ASIC2: variants seen among roughly 807,000 people sequenced by gnomAD.
ASIC2 encodes acid-sensing ion channel 2.
In ASIC2, 25 loss-of-function variants were observed where a neutral mutation model predicts 57.3. That is an observed-to-expected ratio of 0.44 (90% CI 0.32 to 0.61). ASIC2 has a LOEUF of 0.61. ASIC2 is among the 20% of genes least tolerant of loss of function. The probability of loss-of-function intolerance (pLI) is 0.06; values close to 1 mark genes in which losing one functional copy is unlikely to be tolerated. For synonymous variants in ASIC2, 319 were observed against 307.5 expected, an observed-to-expected ratio of 1.04 and a Z score of -0.39; for missense variants, 641 against 738.1, an observed-to-expected ratio of 0.87 and a Z score of 1.52.
intron 1 of ASIC2, among the ~76,000 whole-genome samples, chr17:33,387,588 G>C (rs971885236): frequency 6.6e-6 from 1 of 152,212 alleles, no homozygotes; most frequent in Non-Finnish European, 1.5e-5. Flanking sequence ...ACTTTCCGCT[G>C]CCCCGAAACA....
chr17:33,126,994 A>G (rs1230955956), intron 1 of ASIC2, among the ~76,000 whole-genome samples: 1 of 145,404 alleles, frequency 6.9e-6, no homozygotes, highest in Non-Finnish European at 1.5e-5. Context: ...CAGCCTCCCG[A>G]GTAGCTGGGA....
chr17:33,813,716 G>C (rs552694979), intron 1 of ASIC2, among the ~76,000 whole-genome samples: 1 of 152,346 alleles, frequency 6.6e-6, no homozygotes, highest in South Asian at 2.1e-4. Context: ...GATTACAGGC[G>C]TGAGCCACTG....
At chr17:33,678,967 A>G (rs1280373157) in intron 1 of ASIC2, among the ~76,000 whole-genome samples, 1 of 152,230 alleles carries the variant, frequency 6.6e-6, no homozygotes, top group African/African-American at 2.4e-5. Context: ...ACAGTCAGAC[A>G]GAGGCAGAGC....
intron 1 of ASIC2, among the ~76,000 whole-genome samples, chr17:33,830,913 C>T (rs1256501658): frequency 6.6e-6 from 1 of 151,784 alleles, no homozygotes; most frequent in African/African-American, 2.4e-5. Context: ...GAGTTTGAGA[C>T]CAGCCTGGCC....
chr17:33,113,515 C>T (rs1349612586), intron 1 of ASIC2, among the ~76,000 whole-genome samples: 1 of 152,296 alleles, frequency 6.6e-6, no homozygotes, highest in Non-Finnish European at 1.5e-5. Context: ...TGAGCATGCT[C>T]CACTGCACTG....
At chr17:33,807,200 TG>T (rs1912292625) in intron 1 of ASIC2, among the ~76,000 whole-genome samples, 1 of 152,190 alleles carries the variant, frequency 6.6e-6, no homozygotes, top group Non-Finnish European at 1.5e-5. Flanking sequence ...ACTAAATCAG[TG>T]GTCGTTTGGG....
intron 1 of ASIC2, among the ~76,000 whole-genome samples, chr17:33,318,795 A>C (rs919804150): frequency 2.6e-5 from 4 of 152,168 alleles, no homozygotes; most frequent in African/African-American, 7.2e-5. Context: ...TGCATTGAGC[A>C]GGAAAGAGGA....
chr17:33,783,504 G>T (rs538123272), intron 1 of ASIC2, among the ~76,000 whole-genome samples: 1 of 152,206 alleles, frequency 6.6e-6, no homozygotes, highest in African/African-American at 2.4e-5. Flanking sequence ...GACTACTGTT[G>T]TTGGTGAATA....
chr17:34,089,465 G>A (rs1322472073), intron 1 of ASIC2, among the ~76,000 whole-genome samples: 1 of 152,128 alleles, frequency 6.6e-6, no homozygotes, highest in Admixed American at 6.5e-5. Context: ...GTAATTACCT[G>A]GTTCTCATAT....
At chr17:33,563,119 C>T (rs993140123) in intron 1 of ASIC2, among the ~76,000 whole-genome samples, 1 of 152,158 alleles carries the variant, frequency 6.6e-6, no homozygotes, top group Admixed American at 6.5e-5. Context: ...GGAAGCTTCC[C>T]TCTAAAGCTT....
intron 1 of ASIC2, among the ~76,000 whole-genome samples, chr17:33,722,085 C>T (rs567561384): frequency 1.6e-4 from 24 of 152,320 alleles, no homozygotes; most frequent in African/African-American, 3.4e-4. Context: ...AATCTCACCT[C>T]GCATTGTAAT....
chr17:33,092,982 G>T (rs2092163664), intron 2 of ASIC2, among the ~76,000 whole-genome samples: 1 of 152,090 alleles, frequency 6.6e-6, no homozygotes, highest in South Asian at 2.1e-4. Flanking sequence ...GAGGACACTG[G>T]TAAACACCAG....
At chr17:33,749,822 G>A (rs138931679) in intron 1 of ASIC2, among the ~76,000 whole-genome samples, 4 of 152,254 alleles carry the variant, frequency 2.6e-5, no homozygotes, top group African/African-American at 9.6e-5. Flanking sequence ...AGTGTGGATT[G>A]GAGAAAGAGG....
Position 34,039,963 on chromosome 17 carries a change from G to T in ASIC2, c.555+116015C>A, listed in dbSNP as rs1469094946. On this transcript the variant is annotated intron_variant, in intron 1 of 9. Transcript: ENST00000359872. ...CTGCGGACCGCTCCGCTCTCCCCCT[G>T]GGCAGGCCCGGGGCGGAGCCGGGGC... 10 of 1,113,632 alleles carry T rather than the reference G, an allele frequency of 9.0e-6. No individual in the cohort carries two copies. The Admixed American group carries it at 2.0e-4, about 22-fold the overall frequency. The allele number at this position is 1,113,632 out of a possible 1,614,324, so 69.0% of individuals were successfully genotyped here.
chr17:34,070,769 G>GC (rs1402278461), intron 1 of ASIC2: 1 of 152,220 alleles, frequency 6.6e-6, no homozygotes, highest in Non-Finnish European at 1.5e-5. Flanking sequence ...GAGAGTCTGT[G>GC]CCATGTCTCC....
chr17:33,260,539 C>A (rs891271330), intron 1 of ASIC2, among the ~76,000 whole-genome samples: 1 of 152,222 alleles, frequency 6.6e-6, no homozygotes, highest in Non-Finnish European at 1.5e-5. Context: ...AACGGCCACA[C>A]TATGGATCGC....
At chr17:33,989,521 AAT>A (rs1905936738) in intron 1 of ASIC2, among the ~76,000 whole-genome samples, 1 of 152,080 alleles carries the variant, frequency 6.6e-6, no homozygotes, top group Non-Finnish European at 1.5e-5. Context: ...GAGTGGAGAG[AAT>A]ATACTCTTTT....
intron 4 of ASIC2, among the ~76,000 whole-genome samples, chr17:33,027,436 A>T (rs960618476): frequency 6.6e-6 from 1 of 152,238 alleles, no homozygotes; most frequent in African/African-American, 2.4e-5. Flanking sequence ...CATTCCCGGC[A>T]CATAGTAGGT....
chr17:33,478,552 G>T (rs1486926909), intron 1 of ASIC2, among the ~76,000 whole-genome samples: 1 of 152,234 alleles, frequency 6.6e-6, no homozygotes, highest in African/African-American at 2.4e-5. Context: ...CACAGTTTCT[G>T]TCAATCCTTC....
Sources: allele counts gnomAD v4.1 joint callset (sites outside exome capture counted in the v4.1 genomes callset), GRCh38; gene constraint gnomAD v4.1.1; transcripts MANE v1.5; gene names NCBI Gene and HGNC (gene_info 2026-07-23, HGNC 2026-07-21).